THSD7A: variants seen among roughly 807,000 people sequenced by gnomAD.
The protein encoded by THSD7A is thrombospondin type-1 domain-containing protein 7A.
A neutral mutation model predicts 231.3 loss-of-function variants in THSD7A; 96 were observed. That is an observed-to-expected ratio of 0.41 (90% CI 0.35 to 0.49). The LOEUF (loss-of-function observed/expected upper bound fraction) is 0.49. Ranked by LOEUF, THSD7A falls within the 20% of genes least tolerant of loss-of-function variation. The pLI is 0.05. For missense variants in THSD7A, 2,290 were observed against 2,070.2 expected (o/e 1.11, Z -2.06); for synonymous variants, 940 against 743.3 (o/e 1.26, Z -4.30).
intron 1 of THSD7A, among the ~76,000 whole-genome samples, chr7:11,674,561 C>T (rs1438808506): frequency 6.6e-6 from 1 of 152,120 alleles, no homozygotes; most frequent in Non-Finnish European, 1.5e-5. Context: ...CAAAGGAGCC[C>T]ATCTGCAACA....
chr7:11,530,147 G>A (rs1391875463), intron 6 of THSD7A, among the ~76,000 whole-genome samples: 1 of 152,174 alleles, frequency 6.6e-6, no homozygotes, highest in Non-Finnish European at 1.5e-5. Context: ...AATGCTGTGA[G>A]AGGAATCCTT....
intron 6 of THSD7A, among the ~76,000 whole-genome samples, chr7:11,510,236 T>TC (rs1787747502): frequency 6.6e-6 from 1 of 152,068 alleles, no homozygotes; most frequent in South Asian, 2.1e-4. Context: ...AGAAGCTGAA[T>TC]CCCTGAATAG....
chr7:11,695,694 A>T (rs1187312282), intron 1 of THSD7A, among the ~76,000 whole-genome samples: 1 of 151,528 alleles, frequency 6.6e-6, no homozygotes, highest in Admixed American at 6.6e-5. Flanking sequence ...TGGTCCAAAG[A>T]TAGTAGGTTA....
intron 1 of THSD7A, among the ~76,000 whole-genome samples, chr7:11,735,769 G>C (rs2128159032): frequency 6.6e-6 from 1 of 151,962 alleles, no homozygotes; most frequent in South Asian, 2.1e-4. Context: ...ATTCATAATT[G>C]GGTAGATAAT....
chr7:11,594,866 G>T (rs1780302679), intron 2 of THSD7A, among the ~76,000 whole-genome samples: 1 of 152,148 alleles, frequency 6.6e-6, no homozygotes, highest in Non-Finnish European at 1.5e-5. Flanking sequence ...GCCTCACCAG[G>T]TGTCTACTGT....
chr7:11,718,507 T>A (rs1222729117), intron 1 of THSD7A, among the ~76,000 whole-genome samples: 2 of 151,630 alleles, frequency 1.3e-5, no homozygotes, highest in African/African-American at 2.4e-5. Flanking sequence ...TTGCATTCCA[T>A]GGAACTAGCA....
Position 11,377,253 on chromosome 7 carries a change from C to A in THSD7A, c.4802-596G>T, listed in dbSNP as rs1229800021. ...TGGTTTGGTTAACATATAAAAGGAT[C>A]TATAAATAATTTTTTTTCTACCTTT... On this transcript the variant is annotated intron_variant, in intron 26 of 27. Transcript: ENST00000423059. The surrounding 1 kb of genome is among the most constrained non-coding windows in gnomAD (Gnocchi z 4.5). 6.6e-6 allele frequency among the ~76,000 whole-genome samples: 1 copy of A among 151,868 alleles called. No individual in the cohort carries two copies. The highest frequency in any genetic ancestry group is 2.4e-5 in the African/African-American group (1 of 41,364).
At chr7:11,676,774 A>G (rs905783748) in intron 1 of THSD7A, among the ~76,000 whole-genome samples, 3 of 152,172 alleles carry the variant, frequency 2.0e-5, no homozygotes, top group African/African-American at 7.2e-5. Flanking sequence ...CTATGTGAAA[A>G]GACCAAACCT....
At chr7:11,806,049 G>GT (rs1337651345) in intron 1 of THSD7A, among the ~76,000 whole-genome samples, 3 of 152,086 alleles carry the variant, frequency 2.0e-5, no homozygotes, top group Non-Finnish European at 2.9e-5. Flanking sequence ...AATTGTCACA[G>GT]TTTTTTGACC....
At chr7:11,621,985 T>A (rs1271442237) in intron 2 of THSD7A, among the ~76,000 whole-genome samples, 1 of 152,120 alleles carries the variant, frequency 6.6e-6, no homozygotes. Context: ...TAGGATGTAT[T>A]AAAGATAACG....
chr7:11,403,113 TAC>T (rs1456979789), intron 22 of THSD7A, among the ~76,000 whole-genome samples: 2 of 152,174 alleles, frequency 1.3e-5, no homozygotes, highest in Admixed American at 6.5e-5. Context: ...CTCTTCAGAG[TAC>T]ACAGTCAATT....
intron 1 of THSD7A, among the ~76,000 whole-genome samples, chr7:11,773,568 C>T (rs1783305908): frequency 6.6e-6 from 1 of 151,994 alleles, no homozygotes; most frequent in Non-Finnish European, 1.5e-5. Context: ...TTAGGACAAA[C>T]ATTAATAATT....
chr7:11,416,687 A>C (rs74782319), intron 17 of THSD7A, among the ~76,000 whole-genome samples: 70 of 152,344 alleles, frequency 4.6e-4, no homozygotes, highest in Non-Finnish European at 7.8e-4. Flanking sequence ...ATTCCATATT[A>C]GTTATTTTTC....
At chr7:11,802,315 T>C (rs923270739) in intron 1 of THSD7A, among the ~76,000 whole-genome samples, 6 of 152,168 alleles carry the variant, frequency 3.9e-5, no homozygotes, top group Admixed American at 1.3e-4. Context: ...AATTAAAATC[T>C]TTTGGTGTAA....
intron 23 of THSD7A, among the ~76,000 whole-genome samples, chr7:11,388,254 G>A (rs889608409): frequency 4.6e-5 from 7 of 151,832 alleles, no homozygotes; most frequent in East Asian, 1.9e-4. Flanking sequence ...GATTGGAATC[G>A]TTTCAGAAGG....
chr7:11,388,654 T>C (rs754675642), intron 23 of THSD7A, among the ~76,000 whole-genome samples: 1 of 152,212 alleles, frequency 6.6e-6, no homozygotes, highest in Admixed American at 6.5e-5. Context: ...AATGGATTCA[T>C]TGATTTTTTA....
At chr7:11,662,685 T>C (rs1526551) in intron 1 of THSD7A, among the ~76,000 whole-genome samples, 87,973 of 150,980 alleles carry the variant, frequency 0.58, 25,848 homozygotes, top group Admixed American at 0.63. Context: ...TAAATCTCAA[T>C]AAACCTCAAA....
At chr7:11,456,268 C>G (rs1785305844) in intron 11 of THSD7A, among the ~76,000 whole-genome samples, 1 of 151,944 alleles carries the variant, frequency 6.6e-6, no homozygotes, top group Admixed American at 6.6e-5. Context: ...GAATGTTTTT[C>G]TCTCTTGTCT....
At chr7:11,682,438 A>G (rs775623829) in intron 1 of THSD7A, among the ~76,000 whole-genome samples, 2 of 152,140 alleles carry the variant, frequency 1.3e-5, no homozygotes, top group African/African-American at 4.8e-5. Flanking sequence ...AACAAAAAAG[A>G]GCAGAGGTCA....
Sources: allele counts gnomAD v4.1 joint callset (sites outside exome capture counted in the v4.1 genomes callset), GRCh38; gene constraint gnomAD v4.1.1; non-coding constraint Gnocchi (gnomAD v3.1); transcripts MANE v1.5; gene names NCBI Gene and HGNC (gene_info 2026-07-23, HGNC 2026-07-21).